Variants in MYO3B observed in about 807,000 individuals in gnomAD.
MYO3B encodes the protein myosin-IIIb.
In MYO3B, 156 loss-of-function variants were observed where a neutral mutation model predicts 174.6. The ratio of observed to expected loss-of-function variants is 0.89; its 90% CI spans 0.78 to 1.02. The LOEUF is 1.02. Among genes scored for constraint, MYO3B ranks in the 50% least tolerant of loss-of-function variants. The pLI is 0.00. For missense variants in MYO3B, 1,632 were observed against 1,639.4 expected (o/e 1.00, Z 0.08); for synonymous variants, 563 against 569.1 (o/e 0.99, Z 0.15).
At chr2:170,278,399 C>G (rs13419672) in intron 7 of MYO3B, among the ~76,000 whole-genome samples, 1 of 151,944 alleles carries the variant, frequency 6.6e-6, no homozygotes, top group African/African-American at 2.4e-5. Flanking sequence ...TGGCAACAGC[C>G]GCAAGTTTTT....
intron 32 of MYO3B, among the ~76,000 whole-genome samples, chr2:170,633,188 A>G (rs907099060): frequency 6.6e-6 from 1 of 152,374 alleles, no homozygotes. Context: ...TTTTAGACCA[A>G]TATCCCTGAC....
chr2:170,308,516 G>A (rs1016191751), intron 7 of MYO3B, among the ~76,000 whole-genome samples: 11 of 152,002 alleles, frequency 7.2e-5, no homozygotes, highest in African/African-American at 2.7e-4. Context: ...ATTTATGTAG[G>A]GATAATTGCT....
At chr2:170,207,171 C>T (rs1284030606) in intron 3 of MYO3B, among the ~76,000 whole-genome samples, 1 of 152,070 alleles carries the variant, frequency 6.6e-6, no homozygotes, top group Non-Finnish European at 1.5e-5. Context: ...CCCGCTTACA[C>T]AGACACCCCC....
rs199852479 is a variant in MYO3B, at chr2:170,220,039, A to T, written c.603+2644A>T. Among the ~76,000 whole-genome samples, 10 of 152,302 alleles carry T rather than the reference A, an allele frequency of 6.6e-5. No homozygotes were observed. The East Asian group carries it at 1.9e-3, about 29-fold the overall frequency. ...TTTGGGAGGCCAAGGTGGGCAGATC[A>T]CGAGGTCAGGAGATCGAGACCATCC... On this transcript the variant is annotated intron_variant, in intron 6 of 34. Coordinates refer to ENST00000408978, the MANE Select transcript of MYO3B (RefSeq NM_138995.5).
At chr2:170,228,512 G>C (rs1331779784) in intron 6 of MYO3B, among the ~76,000 whole-genome samples, 1 of 152,164 alleles carries the variant, frequency 6.6e-6, no homozygotes, top group Non-Finnish European at 1.5e-5. Context: ...GAGTTCTGTA[G>C]ATATTGGTCC....
intron 6 of MYO3B, among the ~76,000 whole-genome samples, chr2:170,228,855 GT>G (rs1473232985): frequency 6.7e-6 from 1 of 149,914 alleles, no homozygotes; most frequent in African/African-American, 2.5e-5. Flanking sequence ...CAATTTCATA[GT>G]GTACAAAATG....
intron 1 of MYO3B, among the ~76,000 whole-genome samples, chr2:170,187,063 A>G (rs1178300093): frequency 1.3e-5 from 2 of 151,060 alleles, no homozygotes; most frequent in African/African-American, 2.4e-5. Flanking sequence ...TTTTCAAAAA[A>G]CAAAAAGGTT....
At chr2:170,616,636 T>C (rs1422250016) in intron 32 of MYO3B, among the ~76,000 whole-genome samples, 2 of 152,224 alleles carry the variant, frequency 1.3e-5, no homozygotes, top group African/African-American at 2.4e-5. Context: ...AAGAATATTT[T>C]TTCCAATTTT....
chr2:170,226,300 G>A (rs72885657), intron 6 of MYO3B, among the ~76,000 whole-genome samples: 3,334 of 152,292 alleles, frequency 0.022, 109 homozygotes, highest in East Asian at 0.16. Context: ...CTTCTCCAGA[G>A]ACATTCATCT....
intron 32 of MYO3B, among the ~76,000 whole-genome samples, chr2:170,585,150 T>C (rs923128293): frequency 6.6e-6 from 1 of 152,218 alleles, no homozygotes; most frequent in African/African-American, 2.4e-5. Flanking sequence ...ATGACTCTAA[T>C]GTGCAGCCAA....
At chr2:170,628,052 G>A (rs2105366381) in intron 32 of MYO3B, among the ~76,000 whole-genome samples, 1 of 152,310 alleles carries the variant, frequency 6.6e-6, no homozygotes, top group Non-Finnish European at 1.5e-5. Flanking sequence ...TGTGCTGGGA[G>A]AACCACTACT....
intron 22 of MYO3B, among the ~76,000 whole-genome samples, chr2:170,438,472 A>G (rs1471098795): frequency 6.6e-6 from 1 of 152,064 alleles, no homozygotes; most frequent in African/African-American, 2.4e-5. Flanking sequence ...ATCATATGGT[A>G]GATCTATTTT....
chr2:170,432,492 AAG>A (rs1317398356), intron 22 of MYO3B, among the ~76,000 whole-genome samples: 1 of 152,070 alleles, frequency 6.6e-6, no homozygotes, highest in Non-Finnish European at 1.5e-5. Flanking sequence ...GTTATTTCAA[AAG>A]AGTCAAAAAA....
intron 7 of MYO3B, among the ~76,000 whole-genome samples, chr2:170,325,276 T>C (rs1292119114): frequency 2.0e-5 from 3 of 152,092 alleles, no homozygotes; most frequent in Admixed American, 6.6e-5. Context: ...GGTACAATCT[T>C]GGCTCACTGC....
At chr2:170,368,277 T>C (rs2094213082) in intron 8 of MYO3B, among the ~76,000 whole-genome samples, 1 of 152,242 alleles carries the variant, frequency 6.6e-6, no homozygotes, top group African/African-American at 2.4e-5. Flanking sequence ...CAGAATGGCA[T>C]CCATTTATCC....
At position 170,653,283 on chromosome 2, in the gene MYO3B, C is replaced by G. The variant is rs1699123565; in HGVS notation, c.*162C>G. ...CTTGCAGATTCCAAAACATCTTATCCTATCCTCTACCACTCTCCCACATGT... is the reference window on the plus strand; with the variant it reads ...CTTGCAGATTCCAAAACATCTTATCGTATCCTCTACCACTCTCCCACATGT... On this transcript the variant is annotated 3_prime_UTR_variant, in exon 35 of 35. Transcript: ENST00000408978. 1 of 775,336 alleles carries G rather than the reference C, an allele frequency of 1.3e-6. No homozygotes were observed. Among genetic ancestry groups the G allele is most frequent in the African/African-American group, 1.7e-5 (1 of 57,326 alleles). 48.0% of individuals were successfully genotyped at this position (775,336 alleles called of 1,614,324 possible).
intron 32 of MYO3B, among the ~76,000 whole-genome samples, chr2:170,636,957 CGTGTGTGTGTGTGTGTGTGTGTGTGT>C (rs3047156): frequency 6.8e-6 from 1 of 146,578 alleles, no homozygotes; most frequent in South Asian, 2.2e-4. Flanking sequence ...TGCTTTTGTG[CGTGTGTGTGTGTGTGTGTGTGTGTGT>C]GTGTGTAGGC....
At chr2:170,615,819 A>G (rs908162092) in intron 32 of MYO3B, among the ~76,000 whole-genome samples, 1 of 152,168 alleles carries the variant, frequency 6.6e-6, no homozygotes, top group African/African-American at 2.4e-5. Context: ...AATGCACTGG[A>G]TATACCAGCG....
chr2:170,567,078 G>A (rs1326100986), intron 32 of MYO3B, among the ~76,000 whole-genome samples: 1 of 152,176 alleles, frequency 6.6e-6, no homozygotes, highest in Non-Finnish European at 1.5e-5. Flanking sequence ...GCAACCTTCT[G>A]TGGAAACAAC....
Sources: gnomAD v4.1 joint callset for allele counts (sites outside exome capture counted in the v4.1 genomes callset) on GRCh38, gnomAD v4.1.1 for gene constraint, MANE v1.5 for transcripts, NCBI Gene and HGNC (gene_info 2026-07-23, HGNC 2026-07-21) for gene names.